NRXN1: variants seen among roughly 807,000 people sequenced by gnomAD.
The protein encoded by NRXN1 is neurexin 1.
In NRXN1, 39 loss-of-function variants were observed where a neutral mutation model predicts 150.9. The ratio of observed to expected loss-of-function variants is 0.26; its 90% CI spans 0.20 to 0.34. NRXN1 has a LOEUF of 0.34. NRXN1 is among the 10% of genes least tolerant of loss of function. NRXN1 has a pLI of 1.00. For missense variants in NRXN1, 1,815 were observed against 1,949.9 expected (o/e 0.93, Z 1.30); for synonymous variants, 924 against 757.0 (o/e 1.22, Z -3.62).
chr2:50,262,837 T>G (rs918635463), intron 17 of NRXN1, among the ~76,000 whole-genome samples: 4 of 152,022 alleles, frequency 2.6e-5, no homozygotes, highest in Admixed American at 1.3e-4. Flanking sequence ...AAGATAATCC[T>G]GCCAATGTTC....
chr2:50,712,993 T>A (rs1695379722), intron 5 of NRXN1, among the ~76,000 whole-genome samples: 1 of 152,172 alleles, frequency 6.6e-6, no homozygotes, highest in South Asian at 2.1e-4. Flanking sequence ...TCATATCTTT[T>A]GTGCTTGTAT....
chr2:50,691,934 A>G (rs903161066), intron 5 of NRXN1, among the ~76,000 whole-genome samples: 2 of 152,220 alleles, frequency 1.3e-5, no homozygotes, highest in Non-Finnish European at 2.9e-5. Context: ...TTATACGTAT[A>G]TACATTAAAG....
intron 17 of NRXN1, among the ~76,000 whole-genome samples, chr2:50,278,347 G>T: frequency 7.3e-6 from 1 of 137,060 alleles, no homozygotes; most frequent in South Asian, 2.2e-4. Flanking sequence ...TAGAGATGGG[G>T]TTTCACCATG....
intron 21 of NRXN1, among the ~76,000 whole-genome samples, chr2:49,993,648 G>A (rs2152523516): frequency 6.6e-6 from 1 of 152,246 alleles, no homozygotes; most frequent in East Asian, 1.9e-4. Flanking sequence ...TATGGGGGCA[G>A]GGAGCATAAA....
intron 10 of NRXN1, among the ~76,000 whole-genome samples, chr2:50,536,531 G>C (rs2093264382): frequency 1.3e-5 from 2 of 152,068 alleles, no homozygotes; most frequent in South Asian, 4.1e-4. Flanking sequence ...ATTGCCACAG[G>C]GTGGTACACC....
At chr2:50,749,696 T>C (rs934608582) in intron 5 of NRXN1, among the ~76,000 whole-genome samples, 3 of 152,060 alleles carry the variant, frequency 2.0e-5, no homozygotes, top group African/African-American at 7.2e-5. Flanking sequence ...TAAAATTAAC[T>C]TGCAATTTGG....
chr2:50,830,188 A>G (rs566646496), intron 5 of NRXN1, among the ~76,000 whole-genome samples: 59 of 152,122 alleles, frequency 3.9e-4, no homozygotes, highest in African/African-American at 1.4e-3. Flanking sequence ...TCAGCTACCA[A>G]TACATACAGA....
At chr2:49,986,621 C>T (rs1444123967) in intron 21 of NRXN1, among the ~76,000 whole-genome samples, 1 of 152,006 alleles carries the variant, frequency 6.6e-6, no homozygotes, top group Non-Finnish European at 1.5e-5. Context: ...CATATAATAA[C>T]TACATATTTA....
At chr2:50,188,052 A>G (rs1273804794) in intron 18 of NRXN1, among the ~76,000 whole-genome samples, 1 of 152,048 alleles carries the variant, frequency 6.6e-6, no homozygotes, top group African/African-American at 2.4e-5. Context: ...CTCTCTTCCT[A>G]TTTGAATACC....
chr2:50,892,393 G>A (rs115191109), intron 5 of NRXN1, among the ~76,000 whole-genome samples: 1 of 152,028 alleles, frequency 6.6e-6, no homozygotes, highest in Non-Finnish European at 1.5e-5. Context: ...CCTAAGGCTG[G>A]GTTATGATTA....
chr2:50,805,259 T>A (rs1362853438), intron 5 of NRXN1, among the ~76,000 whole-genome samples: 1 of 152,184 alleles, frequency 6.6e-6, no homozygotes, highest in Admixed American at 6.5e-5. Flanking sequence ...TTATTACACC[T>A]CTAAAAACAT....
intron 18 of NRXN1, among the ~76,000 whole-genome samples, chr2:50,169,763 G>C (rs1195532859): frequency 1.3e-5 from 2 of 151,046 alleles, no homozygotes. Flanking sequence ...GGTAGATGGA[G>C]GACGGGGGAT....
chr2:50,109,782 G>A (rs1222630772), intron 18 of NRXN1, among the ~76,000 whole-genome samples: 1 of 152,104 alleles, frequency 6.6e-6, no homozygotes, highest in Non-Finnish European at 1.5e-5. Flanking sequence ...TATTTAGATA[G>A]TATAAATGTA....
intron 2 of NRXN1, among the ~76,000 whole-genome samples, chr2:51,007,103 T>C (rs562963185): frequency 6.6e-6 from 1 of 152,112 alleles, no homozygotes; most frequent in African/African-American, 2.4e-5. Flanking sequence ...AGTGCATAAA[T>C]TACAACATTA....
intron 13 of NRXN1, among the ~76,000 whole-genome samples, chr2:50,504,140 TAAAAAAA>T (rs70948715): frequency 2.7e-5 from 3 of 112,436 alleles, no homozygotes; most frequent in Admixed American, 1.9e-4. Flanking sequence ...ACATGACAAC[TAAAAAAA>T]AAAAAAAAAA....
At chr2:50,940,654 T>C (rs1250414468) in intron 2 of NRXN1, among the ~76,000 whole-genome samples, 1 of 152,116 alleles carries the variant, frequency 6.6e-6, no homozygotes, top group Non-Finnish European at 1.5e-5. Flanking sequence ...TACTCCTTAC[T>C]TAAGGATAGT....
intron 17 of NRXN1, among the ~76,000 whole-genome samples, chr2:50,285,891 G>A (rs2072095714): frequency 6.6e-6 from 1 of 150,696 alleles, no homozygotes; most frequent in African/African-American, 2.4e-5. Flanking sequence ...TGAAAAAATA[G>A]CAATGCATGA....
At chr2:50,773,824 G>T (rs1353658651) in intron 5 of NRXN1, among the ~76,000 whole-genome samples, 4 of 152,094 alleles carry the variant, frequency 2.6e-5, no homozygotes, top group Non-Finnish European at 4.4e-5. Context: ...ATGGCCCTGA[G>T]CTGGGTCACA....
intron 5 of NRXN1, among the ~76,000 whole-genome samples, chr2:50,766,913 A>C (rs1166921671): frequency 3.9e-5 from 6 of 152,124 alleles, no homozygotes; most frequent in Non-Finnish European, 8.8e-5. Context: ...GAATAAACTA[A>C]TAACTTTGTT....
Sources: allele counts gnomAD v4.1 joint callset (sites outside exome capture counted in the v4.1 genomes callset), GRCh38; gene constraint gnomAD v4.1.1; transcripts MANE v1.5; gene names NCBI Gene and HGNC (gene_info 2026-07-23, HGNC 2026-07-21).